Variants in SORCS3 observed in about 807,000 individuals in gnomAD.
The protein encoded by SORCS3 is VPS10 domain-containing receptor SorCS3.
SORCS3 carries 57 observed loss-of-function variants against 146.3 expected under a neutral mutation model. The ratio of observed to expected loss-of-function variants is 0.39; its 90% CI spans 0.31 to 0.49. SORCS3 has a LOEUF of 0.49. Among genes scored for constraint, SORCS3 ranks in the 20% least tolerant of loss-of-function variants. SORCS3 has a pLI of 0.92. For synonymous variants in SORCS3, 653 were observed against 618.5 expected (o/e 1.06, Z -0.83); for missense variants, 1,341 against 1,575.5 (o/e 0.85, Z 2.52).
At chr10:104,838,104 A>G (rs2018091269) in intron 1 of SORCS3, among the ~76,000 whole-genome samples, 1 of 152,178 alleles carries the variant, frequency 6.6e-6, no homozygotes, top group Admixed American at 6.5e-5. Context: ...AGCACATAGT[A>G]GGAGTGCAAT....
chr10:104,646,329 G>A (rs144041704), intron 1 of SORCS3, among the ~76,000 whole-genome samples: 53 of 152,342 alleles, frequency 3.5e-4, no homozygotes, highest in Middle Eastern at 6.8e-3. Flanking sequence ...TTTGTAGCTG[G>A]CAAAGAAGGA....
rs374942717 is a variant in SORCS3 at position 104,781,022 on chromosome 10, T to C, written c.628-61770T>C. On this transcript the variant is annotated intron_variant, in intron 1 of 26. Coordinates refer to ENST00000369701, the MANE Select transcript of SORCS3 (RefSeq NM_014978.3). The stretch of plus-strand genomic sequence containing the variant: ...ATATTGCTTTATTGGCTACTGGTGG[T>C]AATAGATGGAAAGTATTGTCATACC... Among the ~76,000 whole-genome samples, 500 of 152,328 alleles carry C rather than the reference T, an allele frequency of 3.3e-3. 1 individual carries two copies. Among genetic ancestry groups the C allele is most frequent in the African/African-American group, 0.011 (462 of 41,568 alleles).
intron 3 of SORCS3, among the ~76,000 whole-genome samples, chr10:104,920,015 C>G (rs1466191566): frequency 6.6e-6 from 1 of 152,218 alleles, no homozygotes. Flanking sequence ...AAGTTTCCTT[C>G]TTTACGTCTT....
At chr10:105,055,104 G>A (rs790726) in intron 5 of SORCS3, among the ~76,000 whole-genome samples, 70,877 of 151,954 alleles carry the variant, frequency 0.47, 19,172 homozygotes, top group East Asian at 0.69. Flanking sequence ...CATTCTGTGA[G>A]TTCCTTAGTA....
At chr10:105,066,108 AGAAAGAGTTT>A (rs2055521234) in intron 5 of SORCS3, among the ~76,000 whole-genome samples, 1 of 152,168 alleles carries the variant, frequency 6.6e-6, no homozygotes, top group Non-Finnish European at 1.5e-5. Flanking sequence ...GCTAATACTC[AGAAAGAGTTT>A]TTAAAAATTA....
At chr10:105,013,989 A>G (rs1179259091) in intron 4 of SORCS3, among the ~76,000 whole-genome samples, 3 of 150,588 alleles carry the variant, frequency 2.0e-5, no homozygotes, top group Non-Finnish European at 4.4e-5. Flanking sequence ...ACAGACACAC[A>G]CACACACACA....
intron 17 of SORCS3, among the ~76,000 whole-genome samples, chr10:105,212,280 C>T (rs1176296874): frequency 1.3e-5 from 2 of 152,194 alleles, no homozygotes; most frequent in African/African-American, 2.4e-5. Context: ...TGAGCTAAGG[C>T]TCAAGGATCT....
chr10:105,170,681 G>A (rs1016211953), intron 13 of SORCS3, among the ~76,000 whole-genome samples: 1 of 152,100 alleles, frequency 6.6e-6, no homozygotes, highest in East Asian at 1.9e-4. Context: ...GCAATCCCTC[G>A]AAGGGGTTAA....
At chr10:104,935,572 T>C (rs192736860) in intron 3 of SORCS3, among the ~76,000 whole-genome samples, 3 of 152,290 alleles carry the variant, frequency 2.0e-5, no homozygotes, top group East Asian at 1.9e-4. Flanking sequence ...TTAGTGTCTT[T>C]TGTGTCCCTG....
chr10:105,184,300 C>T (rs1469237843), intron 14 of SORCS3, among the ~76,000 whole-genome samples: 1 of 152,216 alleles, frequency 6.6e-6, no homozygotes, highest in Admixed American at 6.5e-5. Context: ...TTTATGAACA[C>T]TGAATCTTGA....
chr10:104,724,247 C>G (rs1479741799), intron 1 of SORCS3, among the ~76,000 whole-genome samples: 1 of 152,062 alleles, frequency 6.6e-6, no homozygotes, highest in Non-Finnish European at 1.5e-5. Context: ...CTTAGTTTGG[C>G]TGGATATGAA....
At chr10:105,118,366 C>T (rs1434253247) in intron 7 of SORCS3, among the ~76,000 whole-genome samples, 1 of 152,090 alleles carries the variant, frequency 6.6e-6, no homozygotes, top group Non-Finnish European at 1.5e-5. Context: ...CCAGCCCTTC[C>T]AAAGTGGAAT....
intron 2 of SORCS3, among the ~76,000 whole-genome samples, chr10:104,888,323 T>C (rs757302594): frequency 6.6e-6 from 1 of 152,232 alleles, no homozygotes. Flanking sequence ...GCTAAGTAGT[T>C]GGACCAGGAG....
chr10:104,727,507 T>C (rs567528860), intron 1 of SORCS3, among the ~76,000 whole-genome samples: 1 of 150,432 alleles, frequency 6.6e-6, no homozygotes, highest in Non-Finnish European at 1.5e-5. Context: ...ATAGTACATA[T>C]AGTTTTGTAT....
intron 3 of SORCS3, among the ~76,000 whole-genome samples, chr10:104,928,664 G>A (rs756602313): frequency 1.3e-5 from 2 of 152,124 alleles, no homozygotes; most frequent in Non-Finnish European, 1.5e-5. Context: ...GCTGGTGAGC[G>A]TGTCTGGGCA....
intron 4 of SORCS3, among the ~76,000 whole-genome samples, chr10:105,001,996 GT>G (rs2055065071): frequency 6.6e-6 from 1 of 152,158 alleles, no homozygotes; most frequent in African/African-American, 2.4e-5. Flanking sequence ...AGTGGGATCT[GT>G]TTTAAGTGGT....
chr10:104,948,854 C>T (rs975282021), intron 3 of SORCS3, among the ~76,000 whole-genome samples: 1 of 152,182 alleles, frequency 6.6e-6, no homozygotes, highest in African/African-American at 2.4e-5. Flanking sequence ...TTATAGGTCA[C>T]TGTTCTCCCA....
Position 105,265,019 on chromosome 10 carries a change from T to C in SORCS3, c.*1645T>C, listed in dbSNP as rs2056983488. The C allele has an allele frequency of 6.6e-6, 1 of 152,140 alleles. No homozygotes were observed. The highest frequency in any genetic ancestry group is 1.5e-5 in the Non-Finnish European group (1 of 67,902). 9.4% of individuals were successfully genotyped at this position (152,140 alleles called of 1,614,324 possible). ...ACAGTGTAGATCAGTATTAGGAATA[T>C]TTCTAAAGATCCTGCTTTTTTGTTT... On this transcript the variant is annotated 3_prime_UTR_variant, in exon 27 of 27. Transcript: ENST00000369701.
At chr10:104,937,197 C>T (rs1215249347) in intron 3 of SORCS3, among the ~76,000 whole-genome samples, 1 of 152,344 alleles carries the variant, frequency 6.6e-6, no homozygotes, top group East Asian at 1.9e-4. Flanking sequence ...GGAGGCGGAG[C>T]TCAGGCAGTA....
Sources: gnomAD v4.1 joint callset for allele counts (sites outside exome capture counted in the v4.1 genomes callset) on GRCh38, gnomAD v4.1.1 for gene constraint, MANE v1.5 for transcripts, NCBI Gene and HGNC (gene_info 2026-07-23, HGNC 2026-07-21) for gene names.